Variants in CTSC observed in about 807,000 individuals in gnomAD.
The protein encoded by CTSC is cathepsin C, also known as dipeptidyl peptidase 1.
A neutral mutation model predicts 40.9 loss-of-function variants in CTSC; 37 were observed. The ratio of observed to expected loss-of-function variants is 0.91; its 90% confidence interval spans 0.70 to 1.19. The LOEUF (loss-of-function observed/expected upper bound fraction) is 1.19, where lower values mean the gene tolerates loss of function less well. Among genes scored for constraint, CTSC ranks in the 50% most tolerant of loss-of-function variants. The pLI, the probability that CTSC is intolerant of heterozygous loss-of-function variation, is 0.00. For missense variants in CTSC, 594 were observed against 567.3 expected, an observed-to-expected ratio of 1.05 and a Z score of -0.48; for synonymous variants, 232 against 207.4, an observed-to-expected ratio of 1.12 and a Z score of -1.02.
At chr11:88,306,986 T>C (rs1937647191) in intron 4 of CTSC, among the ~76,000 whole-genome samples, 1 of 152,152 alleles carries the variant, frequency 6.6e-6, no homozygotes, top group South Asian at 2.1e-4. Flanking sequence ...CCTAGGGGTT[T>C]GGGTGGTAGG....
rs11326739 is a variant in CTSC at position 88,335,088 on chromosome 11, G to GA, written c.173-7dup. On this transcript the variant is annotated splice_polypyrimidine_tract_variant and splice_region_variant and intron_variant, in intron 1 of 6. Coordinates refer to ENST00000227266, the MANE Select transcript of CTSC (RefSeq NM_001814.6). The stretch of plus-strand genomic sequence containing the variant: ...TACTTTTTTTTCTTGTGGTCCTAAA[G>GA]AAAAAAAAAAAAAGCACAATAAAGG... The GA allele has an allele frequency of 0.17, 173,503 of 1,037,614 alleles. 3 individuals carry two copies. The highest frequency in any genetic ancestry group is 0.18 in the Non-Finnish European group (136,536 of 750,226). The allele number at this position is 1,037,614 out of a possible 1,614,324, so 64.3% of individuals were successfully genotyped here.
chr11:88,296,006 T>G (rs1437281971), intron 6 of CTSC, 127 bp downstream of exon 6: 157 of 979,174 alleles, frequency 1.6e-4, no homozygotes, highest in Non-Finnish European at 1.3e-5. Flanking sequence ...GGGCCAGACT[T>G]GCACTCAGAT....
intron 2 of CTSC, among the ~76,000 whole-genome samples, chr11:88,318,984 G>T (rs1314949301): frequency 6.6e-6 from 1 of 152,028 alleles, no homozygotes; most frequent in African/African-American, 2.4e-5. Flanking sequence ...AACAACATTG[G>T]TGTGCCCATC....
At chr11:88,316,764 G>C (rs1937888939) in intron 2 of CTSC, among the ~76,000 whole-genome samples, 1 of 152,176 alleles carries the variant, frequency 6.6e-6, no homozygotes, top group Non-Finnish European at 1.5e-5. Context: ...AAGGCACTGA[G>C]AATAGGTAAG....
chr11:88,314,161 T>C (rs749159617), intron 2 of CTSC, among the ~76,000 whole-genome samples: 1 of 152,202 alleles, frequency 6.6e-6, no homozygotes, highest in Non-Finnish European at 1.5e-5. Context: ...GTAAATATTT[T>C]AGGCTTGAAG....
chr11:88,324,174 A>G (rs1938114330), intron 2 of CTSC: 1 of 153,442 alleles, frequency 6.5e-6, no homozygotes, highest in Admixed American at 6.5e-5. Flanking sequence ...CTATTTAATA[A>G]ATGGTGCTGG....
At chr11:88,330,912 A>C (rs1461088060) in intron 2 of CTSC, among the ~76,000 whole-genome samples, 1 of 152,230 alleles carries the variant, frequency 6.6e-6, no homozygotes, top group South Asian at 2.1e-4. Flanking sequence ...GCAAGTTTCT[A>C]GCAATAGGAG....
intron 2 of CTSC, among the ~76,000 whole-genome samples, chr11:88,330,701 C>CA (rs1295385342): frequency 6.6e-6 from 1 of 152,126 alleles, no homozygotes; most frequent in African/African-American, 2.4e-5. Flanking sequence ...TCAAACTATG[C>CA]AAAAACTTTA....
intron 4 of CTSC, among the ~76,000 whole-genome samples, chr11:88,302,810 T>C (rs1944382864): frequency 6.6e-6 from 1 of 152,156 alleles, no homozygotes; most frequent in Admixed American, 6.5e-5. Flanking sequence ...TGGTTGAAGA[T>C]ATACATGATA....
chr11:88,337,100 G>T (rs994481621), intron 1 of CTSC, among the ~76,000 whole-genome samples: 2 of 152,026 alleles, frequency 1.3e-5, no homozygotes, highest in African/African-American at 4.8e-5. Flanking sequence ...ATCCTCGAGA[G>T]TCTCTGAGCT....
chr11:88,314,972 T>C (rs886618220), intron 2 of CTSC, among the ~76,000 whole-genome samples: 1 of 152,192 alleles, frequency 6.6e-6, no homozygotes, highest in African/African-American at 2.4e-5. Context: ...CAGGACATTG[T>C]TGGGCAGCAA....
chr11:88,318,330 G>C (rs955894926), intron 2 of CTSC, among the ~76,000 whole-genome samples: 1 of 152,142 alleles, frequency 6.6e-6, no homozygotes, highest in Non-Finnish European at 1.5e-5. Flanking sequence ...TCTGAAAGTA[G>C]GAATGATATC....
In CTSC at chr11:88,326,515, G is replaced by A. The variant is rs217060; in HGVS notation, c.318+8422C>T. 711,452 of 913,984 alleles carry A rather than the reference G, an allele frequency of 0.78. 279,882 individuals carry two copies. Among genetic ancestry groups the A allele is most frequent in the East Asian group, 1 (41,357 of 41,380 alleles). The allele number at this position is 913,984 out of a possible 1,614,324, so 56.6% of individuals were successfully genotyped here. A position where few individuals can be genotyped will look rare whatever the true frequency, so the allele number is the denominator to read the frequency against. ...TGTCTCTTAATATTTAATCATATCA[G>A]TTTCTTTAAGTAAAAAAAAAAAAAA... On this transcript the variant is annotated intron_variant, in intron 2 of 6. Transcript: ENST00000227266.
intron 2 of CTSC, among the ~76,000 whole-genome samples, chr11:88,320,469 AC>A (rs1937976435): frequency 1.3e-5 from 2 of 152,168 alleles, no homozygotes; most frequent in Non-Finnish European, 2.9e-5. Context: ...TCCTCACTAT[AC>A]TCAACAGAGG....
chr11:88,324,896 T>G lies in CTSC; in HGVS notation c.318+10041A>C, dbSNP rs1938137710. ...GTACTCTTAATTCATCTTTCTGAAA[T>G]ACTTCTTCTCAGAATAGCAGAACAG... On this transcript the variant is annotated intron_variant, in intron 2 of 6. Transcript: ENST00000227266. 3 of 985,138 alleles carry G rather than the reference T, an allele frequency of 3.0e-6. No individual in the cohort carries two copies. In the African/African-American group the frequency reaches 5.2e-5, roughly 17 times the overall value. 61.0% of individuals were successfully genotyped at this position (985,138 alleles called of 1,614,324 possible).
intron 4 of CTSC, among the ~76,000 whole-genome samples, chr11:88,301,819 C>T (rs956673286): frequency 1.2e-4 from 18 of 151,692 alleles, no homozygotes; most frequent in African/African-American, 4.4e-4. Flanking sequence ...CGCACACACA[C>T]ACACACACAC....
chr11:88,320,873 C>T (rs977518264), intron 2 of CTSC: 6 of 828,656 alleles, frequency 7.2e-6, no homozygotes, highest in African/African-American at 3.7e-5. Flanking sequence ...GGTCATATAT[C>T]GTGTAATACA....
rs966484024 is a variant in CTSC at position 88,325,392 on chromosome 11, G to A, written c.318+9545C>T. ...TTCTTCTCTTAAAACTTCAACATGA[G>A]CCCATGCAACATTAAACTAATATTC... On this transcript the variant is annotated intron_variant, in intron 2 of 6. Coordinates refer to ENST00000227266, the MANE Select transcript of CTSC (RefSeq NM_001814.6). The A allele has an allele frequency of 7.1e-6, 7 of 985,170 alleles. No individual in the cohort carries two copies. In the African/African-American group the frequency reaches 1.0e-4, roughly 15 times the overall value. 61.0% of individuals were successfully genotyped at this position (985,170 alleles called of 1,614,324 possible).
intron 5 of CTSC, chr11:88,299,874 T>C (rs2134770157): frequency 6.6e-6 from 1 of 152,446 alleles, no homozygotes; most frequent in Non-Finnish European, 1.5e-5. Flanking sequence ...CAAGTGCAGT[T>C]AGAGGACATG....
Sources: gnomAD v4.1 joint callset for allele counts (sites outside exome capture counted in the v4.1 genomes callset) on GRCh38, gnomAD v4.1.1 for gene constraint, MANE v1.5 for transcripts, NCBI Gene and HGNC (gene_info 2026-07-23, HGNC 2026-07-21) for gene names.